The following IFT56 variants were observed in gnomAD, a reference collection of about 807,000 sequenced individuals.
IFT56 encodes intraflagellar transport protein 56.
At chr7:139,188,623 G>A in the IFT56 span, among the ~76,000 whole-genome samples, 1 of 152,216 alleles carries the variant, frequency 6.6e-6, no homozygotes, top group African/African-American at 2.4e-5. Context: ...GGAAAAAGAA[G>A]TAGAAAATAT....
the IFT56 span, among the ~76,000 whole-genome samples, chr7:139,157,942 C>A: frequency 6.6e-6 from 1 of 152,034 alleles, no homozygotes; most frequent in East Asian, 1.9e-4. Flanking sequence ...CAAGTGATTG[C>A]AGTGGGGTGA....
chr7:139,138,880 G>A, the IFT56 span, among the ~76,000 whole-genome samples: 36 of 148,726 alleles, frequency 2.4e-4, no homozygotes, highest in African/African-American at 7.3e-4. Flanking sequence ...GCACGATCTC[G>A]GCTCACTGCA....
the IFT56 span, among the ~76,000 whole-genome samples, chr7:139,140,727 A>C: frequency 1.4e-5 from 2 of 138,892 alleles, no homozygotes; most frequent in African/African-American, 5.3e-5. Flanking sequence ...GTGAGCCCAG[A>C]TCGCGCCATT....
the IFT56 span, chr7:139,139,934 C>A: frequency 6.2e-7 from 1 of 1,612,706 alleles, no homozygotes; most frequent in Non-Finnish European, 8.5e-7. Context: ...ATTCTGAAGT[C>A]TGGGTGAACC....
At chr7:139,157,145 T>C in the IFT56 span, among the ~76,000 whole-genome samples, 1 of 102,084 alleles carries the variant, frequency 9.8e-6, no homozygotes, top group African/African-American at 5.9e-5. Flanking sequence ...ATTTCTTTTT[T>C]TTTTTTTTTT....
chr7:139,178,653 C>A, the IFT56 span: 1 of 1,459,880 alleles, frequency 6.8e-7, no homozygotes, highest in South Asian at 1.1e-5. Flanking sequence ...ACATCCTTAT[C>A]TTTTTCTCAC....
At chr7:139,141,123 T>C in the IFT56 span, among the ~76,000 whole-genome samples, 43 of 150,510 alleles carry the variant, frequency 2.9e-4, no homozygotes, top group Admixed American at 2.8e-3. Flanking sequence ...TAGCCAGGCG[T>C]GGTGGCGGGC....
At chr7:139,148,346 A>G in the IFT56 span, 1 of 1,612,972 alleles carries the variant, frequency 6.2e-7, no homozygotes, top group Non-Finnish European at 8.5e-7. Context: ...GCCTGTAACC[A>G]TTTTCGCCTT....
chr7:139,146,861 G>C, the IFT56 span: 1 of 546,538 alleles, frequency 1.8e-6, no homozygotes, highest in Non-Finnish European at 2.9e-6. Flanking sequence ...AGGAAAGGGA[G>C]AAAATATAAA....
the IFT56 span, among the ~76,000 whole-genome samples, chr7:139,144,701 T>G: frequency 1.3e-5 from 2 of 152,136 alleles, no homozygotes; most frequent in Non-Finnish European, 2.9e-5. Context: ...TAATCATCAT[T>G]CTTCAGCTGT....
the IFT56 span, chr7:139,137,787 TAAACAGA>T: frequency 7.1e-7 from 1 of 1,410,944 alleles, no homozygotes; most frequent in Admixed American, 1.8e-5. Context: ...CATTTTTTTT[TAAACAGA>T]GAGTTTACTA....
At chr7:139,160,615 A>G in the IFT56 span, among the ~76,000 whole-genome samples, 1 of 152,100 alleles carries the variant, frequency 6.6e-6, no homozygotes, top group Non-Finnish European at 1.5e-5. Context: ...TACTTTTAGT[A>G]GAAACAGGGT....
the IFT56 span, chr7:139,146,903 A>G: frequency 1.9e-6 from 2 of 1,042,054 alleles, no homozygotes; most frequent in Non-Finnish European, 2.7e-6. Flanking sequence ...AGGGTCAAAT[A>G]GTATTAACTG....
the IFT56 span, chr7:139,139,896 G>C: frequency 1.9e-6 from 3 of 1,608,570 alleles, no homozygotes; most frequent in Non-Finnish European, 2.5e-6. Context: ...TCAGGAATAC[G>C]AAAATGCTAC....
At chr7:139,175,713 G>A in the IFT56 span, among the ~76,000 whole-genome samples, 1 of 152,064 alleles carries the variant, frequency 6.6e-6, no homozygotes, top group African/African-American at 2.4e-5. Context: ...CATGGAGATA[G>A]GGAGTAGAAT....
At chr7:139,137,694 G>A in the IFT56 span, among the ~76,000 whole-genome samples, 1 of 152,162 alleles carries the variant, frequency 6.6e-6, no homozygotes, top group East Asian at 1.9e-4. Context: ...GAAGATACTT[G>A]TCCTGTAGGT....
At chr7:139,187,391 C>G in the IFT56 span, 1 of 1,613,328 alleles carries the variant, frequency 6.2e-7, no homozygotes, top group Non-Finnish European at 8.5e-7. Context: ...TTACCACATA[C>G]GTTCTCTTAT....
the IFT56 span, chr7:139,148,237 C>T: frequency 1.2e-6 from 2 of 1,613,066 alleles, no homozygotes; most frequent in Non-Finnish European, 1.7e-6. Context: ...TTATGTGGCC[C>T]TCTGCTACTA....
chr7:139,175,038 AAG>A, the IFT56 span, among the ~76,000 whole-genome samples: 31 of 93,664 alleles, frequency 3.3e-4, no homozygotes, highest in African/African-American at 3.7e-3. Flanking sequence ...GAAAGAAAGA[AAG>A]AAAAAAAAAG....
Sources: allele counts gnomAD v4.1 joint callset (sites outside exome capture counted in the v4.1 genomes callset), GRCh38; gene constraint gnomAD v4.1.1; transcripts MANE v1.5; gene names NCBI Gene and HGNC (gene_info 2026-07-23, HGNC 2026-07-21).